The following ITIH5 variants were observed in gnomAD, a reference collection of about 807,000 sequenced individuals.
The protein encoded by ITIH5 is inter-alpha-trypsin inhibitor heavy chain 5.
Under a neutral mutation model 77.5 loss-of-function variants are expected in ITIH5, and 65 were observed. That is an observed-to-expected ratio of 0.84 (90% CI 0.69 to 1.03). ITIH5 has a LOEUF of 1.03. Among genes scored for constraint, ITIH5 ranks in the 50% least tolerant of loss-of-function variants. The pLI is 0.00. For synonymous variants in ITIH5, 525 were observed against 494.3 expected (o/e 1.06, Z -0.82); for missense variants, 1,208 against 1,213.1 (o/e 1.00, Z 0.06).
chr10:7,607,916 G>C (rs1588395009), intron 7 of ITIH5, among the ~76,000 whole-genome samples: 1 of 152,344 alleles, frequency 6.6e-6, no homozygotes, highest in East Asian at 1.9e-4. Flanking sequence ...GCCAAAAAGG[G>C]AAGCTAGACT....
chr10:7,581,870 A>ATTTTTTTTTTTTTTTTTTTTTTTTT (rs34386089), intron 8 of ITIH5, among the ~76,000 whole-genome samples: 1 of 81,452 alleles, frequency 1.2e-5, no homozygotes, highest in Non-Finnish European at 2.3e-5. Flanking sequence ...CCACCCATGT[A>ATTTTTTTTTTTTTTTTTTTTTTTTT]TTTTTTTTTT....
rs186300399 is a variant in ITIH5 at position 7,632,486 on chromosome 10, G to A, written c.652+4742C>T. ...CCCTAAAACTTTTTTAAAAAGCAAG[G>A]AATAGAAGGGATAAACTATGAAAAT... On this transcript the variant is annotated intron_variant, in intron 5 of 13. Coordinates refer to ENST00000397146, the MANE Select transcript of ITIH5 (RefSeq NM_030569.7). Among the ~76,000 whole-genome samples the A allele has an allele frequency of 5.7e-3, 863 of 152,250 alleles. 2 individuals carry two copies. Among genetic ancestry groups the A allele is most frequent in the Non-Finnish European group, 7.6e-3 (516 of 68,016 alleles).
chr10:7,563,280 C>G lies in ITIH5; in HGVS notation c.2632G>C (p.Val878Leu), dbSNP rs138658798. ...ACTTGGTGGCCTTTCACTGTTAGGA[C>G]GGCCTCAGGCCCCTCTCCCACCTGA... ...LLQVGEGPEA[V>L]LTVKGHQVPV... Residue 878 changes from valine to leucine, a missense_variant, in exon 14 of 14, where the codon GTC becomes CTC. Transcript: ENST00000397146. The G allele has an allele frequency of 2.2e-5, 35 of 1,614,088 alleles. No individual in the cohort carries two copies. The highest frequency in any genetic ancestry group is 2.8e-5 in the Non-Finnish European group (33 of 1,180,050).
intron 1 of ITIH5, among the ~76,000 whole-genome samples, chr10:7,661,774 C>T (rs2131117234): frequency 6.6e-6 from 1 of 152,260 alleles, no homozygotes; most frequent in South Asian, 2.1e-4. Flanking sequence ...GATTACAGCT[C>T]ACTGCAGCCT....
chr10:7,653,122 G>GT (rs1191431295), intron 2 of ITIH5, among the ~76,000 whole-genome samples: 1 of 152,200 alleles, frequency 6.6e-6, no homozygotes, highest in African/African-American at 2.4e-5. Flanking sequence ...GCAGAAATGT[G>GT]TGTATTCATC....
intron 3 of ITIH5, among the ~76,000 whole-genome samples, 170 bp from the exon 4 acceptor site, chr10:7,641,025 G>C (rs1176155339): frequency 1.3e-5 from 2 of 152,156 alleles, no homozygotes; most frequent in African/African-American, 4.8e-5. Flanking sequence ...TTTTATTCTA[G>C]GGCAATTTTC....
chr10:7,618,321 G>C (rs1332126923), intron 5 of ITIH5: 1 of 151,610 alleles, frequency 6.6e-6, no homozygotes, highest in African/African-American at 2.4e-5. Context: ...ATGAAATTTA[G>C]GATATAAATT....
intron 7 of ITIH5, among the ~76,000 whole-genome samples, chr10:7,608,112 G>A (rs1035280352): frequency 7.2e-5 from 11 of 152,080 alleles, no homozygotes; most frequent in Non-Finnish European, 1.6e-4. Flanking sequence ...GCACTCACTG[G>A]GCAAGCTTGC....
At chr10:7,615,262 A>G (rs1414442729) in intron 7 of ITIH5, among the ~76,000 whole-genome samples, 1 of 152,220 alleles carries the variant, frequency 6.6e-6, no homozygotes, top group Non-Finnish European at 1.5e-5. Context: ...AAAAAAATAA[A>G]TAAAATAAAA....
In ITIH5 at chr10:7,629,332, C is replaced by T. The variant is rs546616080; in HGVS notation, c.652+7896G>A. ...GTTGTAGCGTGTGCCCATGTTGTAG[C>T]GTGTGCCCATGTTGTAGCGTGTGTC... On this transcript the variant is annotated intron_variant, in intron 5 of 13. Coordinates refer to ENST00000397146, the MANE Select transcript of ITIH5 (RefSeq NM_030569.7). Among the ~76,000 whole-genome samples, 9 of 101,266 alleles carry T rather than the reference C, an allele frequency of 8.9e-5. 1 individual carries two copies. The highest frequency in any genetic ancestry group is 3.2e-4 in the South Asian group (1 of 3,120). The allele number at this position is 101,266 out of a possible 152,430, so 66.4% of individuals were successfully genotyped here. A position where few individuals can be genotyped will look rare whatever the true frequency, so the allele number is the denominator to read the frequency against.
At chr10:7,610,069 C>CTTTTTTTTT (rs5782989) in intron 7 of ITIH5, among the ~76,000 whole-genome samples, 10 of 86,740 alleles carry the variant, frequency 1.2e-4, no homozygotes, top group Non-Finnish European at 1.9e-4. Flanking sequence ...TTTCTTTTTT[C>CTTTTTTTTT]TTTTTTTTTT....
chr10:7,595,371 A>T (rs1006107765), intron 7 of ITIH5, among the ~76,000 whole-genome samples: 15 of 152,340 alleles, frequency 9.8e-5, no homozygotes, highest in Non-Finnish European at 2.2e-4. Context: ...GGTAGCGAAG[A>T]CATACCTTGG....
At chr10:7,652,156 G>A (rs1020975743) in intron 2 of ITIH5, among the ~76,000 whole-genome samples, 4 of 152,192 alleles carry the variant, frequency 2.6e-5, no homozygotes, top group Admixed American at 1.3e-4. Context: ...TATTTTGTGT[G>A]TATGTATGCC....
At chr10:7,589,898 C>T (rs1002827876) in intron 7 of ITIH5, among the ~76,000 whole-genome samples, 1 of 152,026 alleles carries the variant, frequency 6.6e-6, no homozygotes, top group African/African-American at 2.4e-5. Flanking sequence ...GGGATTGGTG[C>T]TCCCCTGGGC....
chr10:7,604,879 T>C (rs1213226973), intron 7 of ITIH5, among the ~76,000 whole-genome samples: 1 of 152,158 alleles, frequency 6.6e-6, no homozygotes, highest in Admixed American at 6.5e-5. Flanking sequence ...TGGAGTGCAG[T>C]GGTGTGATCA....
intron 7 of ITIH5, among the ~76,000 whole-genome samples, chr10:7,588,214 T>C (rs1832721143): frequency 6.6e-6 from 1 of 152,066 alleles, no homozygotes; most frequent in Non-Finnish European, 1.5e-5. Flanking sequence ...CAAAACCTCA[T>C]CTCCACTAAT....
At chr10:7,618,595 G>T (rs926251887) in intron 5 of ITIH5, 1 of 152,138 alleles carries the variant, frequency 6.6e-6, no homozygotes, top group Non-Finnish European at 1.5e-5. Flanking sequence ...TTAATCATAA[G>T]GGCATGTGGA....
intron 9 of ITIH5, 107 bp from the exon 10 acceptor site, chr10:7,577,119 A>G: frequency 2.1e-6 from 2 of 962,822 alleles, no homozygotes; most frequent in Admixed American, 5.7e-5. Context: ...ATCTGATTTT[A>G]GAAGCAATTG....
intron 9 of ITIH5, 87 bp from the exon 10 acceptor site, chr10:7,577,099 A>T: frequency 8.8e-7 from 1 of 1,135,582 alleles, no homozygotes. Context: ...GCAGACTCTC[A>T]GGGGGATGCA....
Sources: allele counts gnomAD v4.1 joint callset (sites outside exome capture counted in the v4.1 genomes callset), GRCh38; gene constraint gnomAD v4.1.1; transcripts MANE v1.5; gene names NCBI Gene and HGNC (gene_info 2026-07-23, HGNC 2026-07-21).